ZBTB10: variants seen among roughly 807,000 people sequenced by gnomAD.
ZBTB10 encodes zinc finger and BTB domain containing 10, also known as zinc finger and BTB domain-containing protein 10.
ZBTB10 carries 32 observed loss-of-function variants against 76.4 expected under a neutral mutation model. The ratio of observed to expected loss-of-function variants is 0.42; its 90% confidence interval spans 0.32 to 0.56. The LOEUF is 0.56. ZBTB10 is among the 20% of genes least tolerant of loss of function. ZBTB10 has a pLI of 0.14. For missense variants in ZBTB10, 1,057 were observed against 1,098.5 expected (o/e 0.96, Z 0.53); for synonymous variants, 523 against 432.9 (o/e 1.21, Z -2.58).
At chr8:80,517,389 C>T (rs55912404) in intron 3 of ZBTB10, among the ~76,000 whole-genome samples, 8,292 of 152,212 alleles carry the variant, frequency 0.054, 309 homozygotes, top group South Asian at 0.13. Flanking sequence ...CAAGGAATTA[C>T]ATTAAAGATG....
rs1815484136 is a variant in ZBTB10 at position 80,487,000 on chromosome 8, G to A, written c.190G>A (p.Asp64Asn). 1 of 1,513,604 alleles carries A rather than the reference G, an allele frequency of 6.6e-7. No individual in the cohort carries two copies. Among genetic ancestry groups the A allele is most frequent in the Non-Finnish European group, 8.8e-7 (1 of 1,136,428 alleles). 93.8% of individuals were successfully genotyped at this position (1,513,604 alleles called of 1,614,324 possible). A position where few individuals can be genotyped will look rare whatever the true frequency, so the allele number is the denominator to read the frequency against. The stretch of plus-strand genomic sequence containing the variant: ...TCAGCCGCCTAATGGGCGGGGGGCC[G>A]ACGAGGAAGTGGAATTGGAGGGCCT... ...ALQPPNGRGA[D>N]EEVELEGLEP... is the part of the protein sequence containing the mutation. Residue 64 changes from aspartate (D) to asparagine (N), a missense_variant, in exon 1 of 6, where the codon GAC becomes AAC. Physicochemically the swap from Asp to Asn is conservative, Grantham distance 23. Around this residue, in one of 5 missense-constraint regions of ZBTB10, gnomAD observed 556 missense variants for 451.7 expected, o/e 1.23. Transcript: ENST00000455036.
At position 80,486,722 on chromosome 8, in the gene ZBTB10, C is replaced by G; in HGVS notation, c.-89C>G. 2.0e-6 allele frequency: 2 copies of G among 1,003,402 alleles called. No individual in the cohort carries two copies. The highest frequency in any genetic ancestry group is 2.4e-6 in the Non-Finnish European group (2 of 842,584). 62.2% of individuals were successfully genotyped at this position (1,003,402 alleles called of 1,614,324 possible). A position where few individuals can be genotyped will look rare whatever the true frequency, so the allele number is the denominator to read the frequency against. Reference sequence around the variant, plus strand: ...CGGAACGCCGGGGGCGGGGGCGAGACAGAGGGGGAGCCGCGGGGAGCGCGC... The same window carrying G: ...CGGAACGCCGGGGGCGGGGGCGAGAGAGAGGGGGAGCCGCGGGGAGCGCGC... On this transcript the variant is annotated 5_prime_UTR_variant, in exon 1 of 6. Transcript: ENST00000455036.
At chr8:80,492,418 G>A (rs1266269727) in intron 1 of ZBTB10, among the ~76,000 whole-genome samples, 1 of 152,130 alleles carries the variant, frequency 6.6e-6, no homozygotes, top group Non-Finnish European at 1.5e-5. Context: ...AGTAAGGAGA[G>A]ACAGACATGA....
At chr8:80,517,871 C>CTTTTTTTTTTT (rs773074047) in intron 3 of ZBTB10, among the ~76,000 whole-genome samples, 7 of 76,842 alleles carry the variant, frequency 9.1e-5, no homozygotes, top group East Asian at 3.7e-4. Flanking sequence ...CGCCCGCCAC[C>CTTTTTTTTTTT]TTTTTTTTTT....
chr8:80,486,785 GGGC>G lies in ZBTB10; in HGVS notation c.-9_-7del, dbSNP rs533117472. 3.7e-4 allele frequency: 505 copies of G among 1,375,552 alleles called. No individual in the cohort carries two copies. Among genetic ancestry groups the G allele is most frequent in the Admixed American group, 1.0e-3 (26 of 26,046 alleles). The allele number at this position is 1,375,552 out of a possible 1,614,324, so 85.2% of individuals were successfully genotyped here. ...GAGGCCGTGCGCGAGCCGGGGCACC[GGGC>G]GGCGGCGGCGGCGGCGCGCGCCATG... On this transcript the variant is annotated 5_prime_UTR_variant, in exon 1 of 6. Coordinates refer to ENST00000455036, the MANE Select transcript of ZBTB10 (RefSeq NM_001105539.3).
In ZBTB10 at chr8:80,521,812, G is replaced by A. The variant is rs1816455211; in HGVS notation, c.*2284G>A. 1.3e-5 allele frequency: 2 copies of A among 151,814 alleles called. No homozygotes were observed. Among genetic ancestry groups the A allele is most frequent in the Middle Eastern group, 3.4e-3 (1 of 294 alleles). 9.4% of individuals were successfully genotyped at this position (151,814 alleles called of 1,614,324 possible). A position where few individuals can be genotyped will look rare whatever the true frequency, so the allele number is the denominator to read the frequency against. On this transcript the variant is annotated 3_prime_UTR_variant, in exon 6 of 6. Transcript: ENST00000455036. ...TTGTGCTTTTGTTTGGTTTTAGTTG[G>A]AAATAAGGTTTGATGTAGATGGCTT...
intron 2 of ZBTB10, among the ~76,000 whole-genome samples, chr8:80,501,692 G>A (rs547099206): frequency 9.2e-4 from 140 of 152,292 alleles, no homozygotes; most frequent in African/African-American, 3.2e-3. Context: ...GTGTGTGTGT[G>A]TGAAATTTTT....
chr8:80,511,772 A>G (rs79949155), intron 2 of ZBTB10, among the ~76,000 whole-genome samples: 3 of 152,226 alleles, frequency 2.0e-5, no homozygotes, highest in African/African-American at 7.2e-5. Flanking sequence ...TATTCTTCAG[A>G]TACCATGAAT....
intron 3 of ZBTB10, among the ~76,000 whole-genome samples, chr8:80,516,970 A>G (rs1816339014): frequency 6.6e-6 from 1 of 152,134 alleles, no homozygotes; most frequent in South Asian, 2.1e-4. Context: ...TAGGCAGAGG[A>G]AAGCTTAAGC....
chr8:80,511,088 G>C (rs868680581), intron 2 of ZBTB10, among the ~76,000 whole-genome samples: 2 of 152,150 alleles, frequency 1.3e-5, no homozygotes, highest in Non-Finnish European at 2.9e-5. Context: ...ATTGTCAAAA[G>C]ATTGTCAACT....
intron 3 of ZBTB10, among the ~76,000 whole-genome samples, chr8:80,517,871 CTTTTTTTTTTTT>C (rs773074047): frequency 3.9e-5 from 3 of 76,854 alleles, no homozygotes; most frequent in Non-Finnish European, 7.0e-5. Flanking sequence ...CGCCCGCCAC[CTTTTTTTTTTTT>C]TTTTTTTTTT....
At position 80,500,086 on chromosome 8, in the gene ZBTB10, A is replaced by G. The variant is rs368567531; in HGVS notation, c.1565A>G (p.Asn522Ser). ...SNVKIENDGC[N>S]VDEGQIENYQ... ...GTAAAGATTGAAAATGATGGTTGTA[A>G]TGTCGACGAGGGCCAAATAGAAAAC... The change falls in exon 2 of 6, where the codon AAT (asparagine) becomes AGT (serine). Residue 522 changes from asparagine to serine, a missense_variant. Physicochemically the swap from Asn to Ser is conservative, Grantham distance 46. This residue lies in a region of ZBTB10 where 306 missense variants were observed against 297.5 expected (regional missense o/e 1.03). Coordinates refer to ENST00000455036, the MANE Select transcript of ZBTB10 (RefSeq NM_001105539.3). The G allele has an allele frequency of 2.5e-6, 4 of 1,613,944 alleles. No individual in the cohort carries two copies. Among genetic ancestry groups the G allele is most frequent in the East Asian group, 4.5e-5 (2 of 44,888 alleles).
rs1816393490 is a variant in ZBTB10 at position 80,518,877 on chromosome 8, A to T, written c.2233A>T (p.Thr745Ser). The T allele has an allele frequency of 6.2e-7, 1 of 1,611,618 alleles. No individual in the cohort carries two copies. The highest frequency in any genetic ancestry group is 1.1e-5 in the South Asian group (1 of 90,608). Reference protein sequence around the residue: ...RTLKRHLLIHTGVRSFSCDIC... With the variant: ...RTLKRHLLIHSGVRSFSCDIC... ...ACTAAAAAGGCACTTGCTCATTCAC[A>T]CAGGAGTGAGATCATTTAGCTGTGA... Residue 745 changes from threonine (T) to serine (S), a missense_variant, in exon 5 of 6, where the codon ACA becomes TCA. This residue lies in a region of ZBTB10 where 54 missense variants were observed against 138.1 expected (regional missense o/e 0.39). Coordinates refer to ENST00000455036, the MANE Select transcript of ZBTB10 (RefSeq NM_001105539.3).
intron 2 of ZBTB10, among the ~76,000 whole-genome samples, chr8:80,511,247 T>C (rs959651426): frequency 1.6e-4 from 25 of 152,210 alleles, no homozygotes; most frequent in African/African-American, 6.0e-4. Context: ...CCATGTAGAA[T>C]TAGAAATCAC....
chr8:80,511,778 T>C (rs569313513), intron 2 of ZBTB10, among the ~76,000 whole-genome samples: 1 of 152,210 alleles, frequency 6.6e-6, no homozygotes, highest in Non-Finnish European at 1.5e-5. Flanking sequence ...TCAGATACCA[T>C]GAATTAAAAC....
At position 80,499,697 on chromosome 8, in the gene ZBTB10, A is replaced by G. The variant is rs1264597917; in HGVS notation, c.1176A>G (p.Leu392=). The G allele has an allele frequency of 3.1e-6, 5 of 1,613,918 alleles. No individual in the cohort carries two copies. The East Asian group carries it at 8.9e-5, about 29-fold the overall frequency. Residue 392 remains leucine (L), a synonymous_variant, in exon 2 of 6, where the codon TTA becomes TTG. Transcript: ENST00000455036. The part of the protein sequence containing the change: ...LVAGSRFFKT[L]YCFSNKESPN... Reference sequence around the variant, plus strand: ...CAGGCAGCCGTTTCTTTAAGACTTTATATTGCTTTTCAAACAAAGAAAGCC... The same window carrying G: ...CAGGCAGCCGTTTCTTTAAGACTTTGTATTGCTTTTCAAACAAAGAAAGCC...
chr8:80,511,111 C>G (rs938157448), intron 2 of ZBTB10, among the ~76,000 whole-genome samples: 3 of 152,174 alleles, frequency 2.0e-5, no homozygotes, highest in African/African-American at 7.2e-5. Context: ...GAAGAACTCA[C>G]CTGTTTTTGA....
At position 80,495,577 on chromosome 8, in the gene ZBTB10, T is replaced by C. The variant is rs189096747; in HGVS notation, c.973-3917T>C. Among the ~76,000 whole-genome samples, 44 of 152,302 alleles carry C rather than the reference T, an allele frequency of 2.9e-4. No homozygotes were observed. In the East Asian group the frequency reaches 8.3e-3, roughly 29 times the overall value. ...TAGATACACATGCTTTCTGCTCTTATAACACCTTAAGAGTCTTACCCACTA... is the reference window on the plus strand; with the variant it reads ...TAGATACACATGCTTTCTGCTCTTACAACACCTTAAGAGTCTTACCCACTA... On this transcript the variant is annotated intron_variant, in intron 1 of 5. Transcript: ENST00000455036.
At chr8:80,485,846 G>A (rs1200708036), upstream of ZBTB10, 2 of 1,535,718 alleles carry the variant, frequency 1.3e-6, no homozygotes, top group East Asian at 4.9e-5. Flanking sequence ...GTGAACTCGT[G>A]GCGAGAGAAG....
Sources: allele counts gnomAD v4.1 joint callset (sites outside exome capture counted in the v4.1 genomes callset), GRCh38; gene constraint gnomAD v4.1.1; regional missense constraint gnomAD v4.1.1; transcripts MANE v1.5; gene names NCBI Gene and HGNC (gene_info 2026-07-23, HGNC 2026-07-21).